EYS: variants seen among roughly 807,000 people sequenced by gnomAD.
The protein encoded by EYS is EGF-like photoreceptor maintenance factor.
A neutral mutation model predicts 282.1 loss-of-function variants in EYS; 250 were observed. The ratio of observed to expected loss-of-function variants is 0.89; its 90% CI spans 0.80 to 0.98. The LOEUF (loss-of-function observed/expected upper bound fraction) is 0.98, where lower values mean the gene tolerates loss of function less well. Ranked by LOEUF, EYS falls within the 50% of genes least tolerant of loss-of-function variation. The pLI, the probability that EYS is intolerant of heterozygous loss-of-function variation, is 0.00. For missense variants in EYS, 4,016 were observed against 3,709.0 expected (o/e 1.08, Z -2.15); for synonymous variants, 1,355 against 1,282.9 (o/e 1.06, Z -1.20).
chr6:64,300,886 T>C (rs535378386), intron 30 of EYS, among the ~76,000 whole-genome samples: 19 of 152,268 alleles, frequency 1.2e-4, no homozygotes, highest in Admixed American at 1.1e-3. Context: ...TTAAAAAGGG[T>C]GTCCTCAAGG....
intron 22 of EYS, among the ~76,000 whole-genome samples, chr6:64,657,790 A>T (rs1398169809): frequency 1.3e-5 from 2 of 152,042 alleles, no homozygotes; most frequent in Non-Finnish European, 2.9e-5. Context: ...CCTTAACATT[A>T]TTTCCTTCAT....
chr6:65,461,314 T>C (rs1302143370), intron 5 of EYS, among the ~76,000 whole-genome samples: 1 of 152,108 alleles, frequency 6.6e-6, no homozygotes, highest in Non-Finnish European at 1.5e-5. Flanking sequence ...CCTAGCTCCA[T>C]TACATATCTA....
intron 30 of EYS, among the ~76,000 whole-genome samples, chr6:64,263,047 C>T (rs1314256739): frequency 1.4e-5 from 2 of 141,334 alleles, no homozygotes; most frequent in Admixed American, 7.4e-5. Flanking sequence ...CATGACCTCT[C>T]CTTGCCTCAG....
intron 26 of EYS, among the ~76,000 whole-genome samples, chr6:64,558,143 G>A (rs771041392): frequency 2.6e-5 from 4 of 151,994 alleles, no homozygotes; most frequent in Non-Finnish European, 4.4e-5. Flanking sequence ...ATTGTACATT[G>A]GTTGAATAAA....
At chr6:65,570,922 A>G (rs1329509747) in intron 2 of EYS, among the ~76,000 whole-genome samples, 1 of 152,114 alleles carries the variant, frequency 6.6e-6, no homozygotes, top group Non-Finnish European at 1.5e-5. Flanking sequence ...TATATTCTAA[A>G]AGAAATGTAC....
intron 30 of EYS, among the ~76,000 whole-genome samples, chr6:64,278,398 T>G (rs2150360521): frequency 6.6e-6 from 1 of 152,276 alleles, no homozygotes; most frequent in African/African-American, 2.4e-5. Flanking sequence ...AAAAATGTAC[T>G]TTATAATGTC....
chr6:64,503,709 A>C (rs1172810989), intron 26 of EYS, among the ~76,000 whole-genome samples: 2 of 152,184 alleles, frequency 1.3e-5, no homozygotes, highest in Non-Finnish European at 2.9e-5. Flanking sequence ...ACTCCGAACC[A>C]TCAAAAACTC....
At chr6:65,584,896 A>T (rs9717790) in intron 2 of EYS, among the ~76,000 whole-genome samples, 1 of 149,520 alleles carries the variant, frequency 6.7e-6, no homozygotes, top group South Asian at 2.1e-4. Flanking sequence ...TATTATATAT[A>T]TTATATATAT....
At chr6:64,419,337 G>A (rs1468758249) in intron 28 of EYS, among the ~76,000 whole-genome samples, 1 of 152,132 alleles carries the variant, frequency 6.6e-6, no homozygotes, top group Non-Finnish European at 1.5e-5. Flanking sequence ...TACAATTTAA[G>A]ATGAGATTTG....
intron 18 of EYS, among the ~76,000 whole-genome samples, chr6:64,887,741 A>C (rs1226223266): frequency 6.6e-6 from 1 of 152,068 alleles, no homozygotes; most frequent in Non-Finnish European, 1.5e-5. Flanking sequence ...CCCATATTCA[A>C]GTGTAAATTA....
At chr6:65,653,364 G>C (rs1264474078) in intron 1 of EYS, among the ~76,000 whole-genome samples, 1 of 151,804 alleles carries the variant, frequency 6.6e-6, no homozygotes, top group Non-Finnish European at 1.5e-5. Context: ...TTGATAAAAA[G>C]AGTGAATCTA....
chr6:65,239,324 G>T (rs1174861267), intron 12 of EYS, among the ~76,000 whole-genome samples: 1 of 151,868 alleles, frequency 6.6e-6, no homozygotes, highest in East Asian at 1.9e-4. Flanking sequence ...TTATAGACAA[G>T]AATCACCCTT....
intron 26 of EYS, among the ~76,000 whole-genome samples, chr6:64,519,699 G>C (rs1177359415): frequency 6.6e-6 from 1 of 151,796 alleles, no homozygotes; most frequent in Non-Finnish European, 1.5e-5. Context: ...TAACATCAGA[G>C]AGACCACAGG....
At chr6:65,091,452 GAAATAAAT>G (rs59923804) in intron 12 of EYS, among the ~76,000 whole-genome samples, 33 of 144,228 alleles carry the variant, frequency 2.3e-4, no homozygotes, top group East Asian at 1.4e-3. Flanking sequence ...TACATCTCAA[GAAATAAAT>G]AAATAAATAA....
chr6:65,320,748 T>G (rs1769452038), intron 11 of EYS, among the ~76,000 whole-genome samples: 1 of 152,184 alleles, frequency 6.6e-6, no homozygotes, highest in Non-Finnish European at 1.5e-5. Flanking sequence ...AGGTGCAGGT[T>G]AAACAGGTTG....
rs2150022633 is a variant in EYS, at chr6:64,822,631, A to C, written c.3164+20T>G. 2 of 1,505,812 alleles carry C rather than the reference A, an allele frequency of 1.3e-6. No homozygotes were observed. Among genetic ancestry groups the C allele is most frequent in the African/African-American group, 1.4e-5 (1 of 70,280 alleles). The allele number at this position is 1,505,812 out of a possible 1,614,324, so 93.3% of individuals were successfully genotyped here. ...AGTTAAATATACTTTCATAAAGCTA[A>C]TAATAAAAAAAATAGCTACCTTCCA... On this transcript the variant is annotated intron_variant, in intron 20 of 42. Transcript: ENST00000503581.
intron 22 of EYS, among the ~76,000 whole-genome samples, chr6:64,768,967 G>A (rs1287036322): frequency 6.6e-6 from 1 of 152,086 alleles, no homozygotes; most frequent in Non-Finnish European, 1.5e-5. Context: ...GTGTATGAAT[G>A]GAGCTAGATC....
intron 30 of EYS, among the ~76,000 whole-genome samples, chr6:64,296,598 A>ATATATATATT (rs1561913902): frequency 5.0e-5 from 1 of 20,134 alleles, no homozygotes; most frequent in Non-Finnish European, 9.8e-5. Flanking sequence ...ATATATATAT[A>ATATATATATT]TTTTTTTTTT....
intron 10 of EYS, among the ~76,000 whole-genome samples, chr6:65,340,044 A>G (rs1016184682): frequency 6.6e-6 from 1 of 151,098 alleles, no homozygotes. Context: ...TTAGCTAACT[A>G]AAAGGGAACA....
Sources: gnomAD v4.1 joint callset for allele counts (sites outside exome capture counted in the v4.1 genomes callset) on GRCh38, gnomAD v4.1.1 for gene constraint, MANE v1.5 for transcripts, NCBI Gene and HGNC (gene_info 2026-07-23, HGNC 2026-07-21) for gene names.